Variants in THSD7A observed in about 807,000 individuals in gnomAD.
THSD7A encodes the protein thrombospondin type 1 domain containing 7A.
In THSD7A, 96 loss-of-function variants were observed where a neutral mutation model predicts 231.3. The observed-to-expected ratio is 0.41, with a 90% CI of 0.35 to 0.49. THSD7A has a LOEUF of 0.49. THSD7A is among the 20% of genes least tolerant of loss of function. The pLI is 0.05. For synonymous variants in THSD7A, 940 were observed against 743.3 expected (o/e 1.26, Z -4.30); for missense variants, 2,290 against 2,070.2 (o/e 1.11, Z -2.06).
chr7:11,687,904 TTTTA>T (rs879395263), intron 1 of THSD7A, among the ~76,000 whole-genome samples: 13 of 151,710 alleles, frequency 8.6e-5, no homozygotes, highest in East Asian at 3.9e-4. Context: ...TTAAGGCGAA[TTTTA>T]TTTATTTATT....
rs1009335774 is a variant in THSD7A at position 11,413,407 on chromosome 7, G to A, written c.3538-607C>T. On this transcript the variant is annotated intron_variant, in intron 17 of 27. Transcript: ENST00000423059. ...GTTCTCGGCCTTTAGGCGTTCTTCC[G>A]TAAGGGTTATACAGAAACAAGCCCT... 1.2e-4 allele frequency among the ~76,000 whole-genome samples: 18 copies of A among 151,614 alleles called. No homozygotes were observed. In the East Asian group the frequency reaches 1.4e-3, roughly 11 times the overall value.
At chr7:11,730,725 G>A (rs868015235) in intron 1 of THSD7A, among the ~76,000 whole-genome samples, 3 of 151,376 alleles carry the variant, frequency 2.0e-5, no homozygotes, top group East Asian at 2.0e-4. Flanking sequence ...ATTCATCACC[G>A]GCAGCCTTCT....
At chr7:11,433,081 A>G (rs1784529201) in intron 13 of THSD7A, among the ~76,000 whole-genome samples, 1 of 152,046 alleles carries the variant, frequency 6.6e-6, no homozygotes, top group South Asian at 2.1e-4. Context: ...TGTACTTCTC[A>G]TATATTCAAG....
At position 11,831,722 on chromosome 7, in the gene THSD7A, T is replaced by C. The variant is rs760071325; in HGVS notation, c.190+35A>G. ...CAGCTCCTTAATGTGGCCCCAGATG[T>C]GAAGATGGGGAAAGGGTAACTCCGT... On this transcript the variant is annotated intron_variant, in intron 1 of 27. Coordinates refer to ENST00000423059, the MANE Select transcript of THSD7A (RefSeq NM_015204.3). The surrounding 1 kb of genome is among the most constrained non-coding windows in gnomAD (Gnocchi z 5.0). 1.5e-6 allele frequency: 2 copies of C among 1,358,858 alleles called. No individual in the cohort carries two copies. Among genetic ancestry groups the C allele is most frequent in the Non-Finnish European group, 1.9e-6 (2 of 1,047,182 alleles). The allele number at this position is 1,358,858 out of a possible 1,614,324, so 84.2% of individuals were successfully genotyped here. A position where few individuals can be genotyped will look rare whatever the true frequency, so the allele number is the denominator to read the frequency against.
At chr7:11,828,195 T>A (rs1785086213) in intron 1 of THSD7A, among the ~76,000 whole-genome samples, 1 of 152,232 alleles carries the variant, frequency 6.6e-6, no homozygotes, top group Non-Finnish European at 1.5e-5. Flanking sequence ...TATCTTACCA[T>A]TGTTTGAAAG....
intron 4 of THSD7A, among the ~76,000 whole-genome samples, chr7:11,574,865 G>A (rs920759700): frequency 5.3e-5 from 8 of 152,080 alleles, no homozygotes; most frequent in Non-Finnish European, 8.8e-5. Context: ...ACCAATAATC[G>A]TTTAGAGGTG....
intron 6 of THSD7A, among the ~76,000 whole-genome samples, chr7:11,492,919 G>A (rs900474626): frequency 1.3e-5 from 2 of 152,014 alleles, no homozygotes; most frequent in Non-Finnish European, 2.9e-5. Context: ...TGTCTGCTAG[G>A]AGATCACAGG....
chr7:11,781,952 G>T (rs537748855), intron 1 of THSD7A, among the ~76,000 whole-genome samples: 57 of 151,966 alleles, frequency 3.8e-4, no homozygotes, highest in Non-Finnish European at 1.3e-4. Flanking sequence ...CCTCTGTGTT[G>T]TAGGATGCTT....
chr7:11,507,372 G>A (rs1398371625), intron 6 of THSD7A, among the ~76,000 whole-genome samples: 1 of 152,052 alleles, frequency 6.6e-6, no homozygotes, highest in Non-Finnish European at 1.5e-5. Context: ...GTGCTTTAGT[G>A]ACTTTATATA....
At chr7:11,403,158 C>T (rs1562582201) in intron 22 of THSD7A, among the ~76,000 whole-genome samples, 1 of 152,254 alleles carries the variant, frequency 6.6e-6, no homozygotes, top group African/African-American at 2.4e-5. Flanking sequence ...GGTTTCTTAT[C>T]ACTTATTTAT....
chr7:11,593,234 AC>A lies in THSD7A; in HGVS notation c.1271+19del, dbSNP rs1322573955. On this transcript the variant is annotated intron_variant, in intron 3 of 27. Coordinates refer to ENST00000423059, the MANE Select transcript of THSD7A (RefSeq NM_015204.3). ...CAAATGTAGTTTCGGCAGACGCTAT[AC>A]CCTTCTTTATTTACTCACGTGGCAC... The A allele has an allele frequency of 2.5e-6, 4 of 1,612,752 alleles. No homozygotes were observed. Among genetic ancestry groups the A allele is most frequent in the Non-Finnish European group, 3.4e-6 (4 of 1,179,732 alleles).
At chr7:11,493,017 C>A (rs1174423240) in intron 6 of THSD7A, among the ~76,000 whole-genome samples, 2 of 152,034 alleles carry the variant, frequency 1.3e-5, no homozygotes, top group Admixed American at 6.6e-5. Flanking sequence ...CCTTGGGAAC[C>A]ACACATGTAT....
chr7:11,750,962 T>G (rs10248531), intron 1 of THSD7A, among the ~76,000 whole-genome samples: 4,049 of 152,076 alleles, frequency 0.027, 196 homozygotes, highest in African/African-American at 0.093. Context: ...GGCATCCATC[T>G]ACCTCCTGTC....
chr7:11,738,477 T>A (rs1226585397), intron 1 of THSD7A, among the ~76,000 whole-genome samples: 2 of 152,072 alleles, frequency 1.3e-5, no homozygotes, highest in Admixed American at 6.6e-5. Context: ...AGCAATACTT[T>A]ACTCTTCTTT....
rs531721969 is a variant in THSD7A at position 11,372,409 on chromosome 7, T to C, written c.*3385A>G. 1.3e-5 allele frequency: 2 copies of C among 151,748 alleles called. No individual in the cohort carries two copies. Among genetic ancestry groups the C allele is most frequent in the Non-Finnish European group, 2.9e-5 (2 of 67,944 alleles). 9.4% of individuals were successfully genotyped at this position (151,748 alleles called of 1,614,324 possible). A position where few individuals can be genotyped will look rare whatever the true frequency, so the allele number is the denominator to read the frequency against. On this transcript the variant is annotated 3_prime_UTR_variant, in exon 28 of 28. Coordinates refer to ENST00000423059, the MANE Select transcript of THSD7A (RefSeq NM_015204.3). ...TAAATATTTGCCTTGTTAGAAGTAA[T>C]TTGTGCTTTGTTATAAGTAATTAAA...
intron 1 of THSD7A, among the ~76,000 whole-genome samples, chr7:11,698,700 G>T (rs973195311): frequency 1.3e-5 from 2 of 151,232 alleles, no homozygotes; most frequent in Non-Finnish European, 3.0e-5. Context: ...ATTCTACTTA[G>T]GTTAAAAACA....
intron 2 of THSD7A, among the ~76,000 whole-genome samples, chr7:11,611,223 G>T (rs1484399153): frequency 6.6e-6 from 1 of 151,856 alleles, no homozygotes; most frequent in Non-Finnish European, 1.5e-5. Flanking sequence ...TATTTAATGT[G>T]CAATAAAATA....
intron 4 of THSD7A, among the ~76,000 whole-genome samples, chr7:11,556,733 C>T (rs574860170): frequency 1.3e-5 from 2 of 152,038 alleles, no homozygotes; most frequent in East Asian, 1.9e-4. Context: ...GATATTTTCT[C>T]TGAGTATTGA....
intron 1 of THSD7A, among the ~76,000 whole-genome samples, chr7:11,645,344 G>A (rs548302639): frequency 6.6e-6 from 1 of 151,554 alleles, no homozygotes; most frequent in Non-Finnish European, 1.5e-5. Context: ...AGTGTTTTGT[G>A]TTATTTTGTG....
Sources: allele counts gnomAD v4.1 joint callset (sites outside exome capture counted in the v4.1 genomes callset), GRCh38; gene constraint gnomAD v4.1.1; non-coding constraint Gnocchi (gnomAD v3.1); transcripts MANE v1.5; gene names NCBI Gene and HGNC (gene_info 2026-07-23, HGNC 2026-07-21).